The following AEBP2 variants were observed in gnomAD, a reference collection of about 807,000 sequenced individuals.
The protein encoded by AEBP2 is AE binding protein 2, also known as zinc finger protein AEBP2.
A neutral mutation model predicts 50.8 loss-of-function variants in AEBP2; 10 were observed. The observed-to-expected ratio is 0.20, with a 90% CI of 0.12 to 0.33. The LOEUF is 0.33. Ranked by LOEUF, AEBP2 falls within the 10% of genes least tolerant of loss-of-function variation. The probability of loss-of-function intolerance (pLI) is 1.00; values close to 1 mark genes in which losing one functional copy is unlikely to be tolerated. For synonymous variants in AEBP2, 296 were observed against 261.3 expected (o/e 1.13, Z -1.28); for missense variants, 570 against 688.0 (o/e 0.83, Z 1.92).
intron 3 of AEBP2, among the ~76,000 whole-genome samples, chr12:19,479,821 G>C (rs1205194249): frequency 7.6e-6 from 1 of 131,488 alleles, no homozygotes. Flanking sequence ...GTTTCTATTT[G>C]CATGGAGTAT....
chr12:19,487,856 G>A (rs1257711308), intron 3 of AEBP2, among the ~76,000 whole-genome samples: 1 of 152,130 alleles, frequency 6.6e-6, no homozygotes, highest in Non-Finnish European at 1.5e-5. Context: ...TTTCTGATTA[G>A]TGAGCTTTGA....
chr12:19,465,377 G>A (rs956218403), intron 2 of AEBP2, among the ~76,000 whole-genome samples: 1 of 151,960 alleles, frequency 6.6e-6, no homozygotes, highest in Non-Finnish European at 1.5e-5. Context: ...CTGGGTGACA[G>A]AATGAGACTC....
intron 1 of AEBP2, among the ~76,000 whole-genome samples, chr12:19,415,131 G>A (rs11044546): frequency 0.024 from 3,614 of 149,202 alleles, 51 homozygotes; most frequent in East Asian, 0.045. Context: ...ACAACGTGGC[G>A]AAACCCCATC....
At chr12:19,444,210 C>T (rs1948017808) in intron 1 of AEBP2, among the ~76,000 whole-genome samples, 1 of 152,056 alleles carries the variant, frequency 6.6e-6, no homozygotes, top group Non-Finnish European at 1.5e-5. Flanking sequence ...AACACAGTAT[C>T]ATGTAAAAAT....
At chr12:19,448,049 C>G (rs1014691972) in intron 1 of AEBP2, among the ~76,000 whole-genome samples, 1 of 152,130 alleles carries the variant, frequency 6.6e-6, no homozygotes, top group Admixed American at 6.5e-5. Context: ...GTTTAAAAAT[C>G]ACCATATTTC....
At position 19,519,745 on chromosome 12, in the gene AEBP2, C is replaced by T. The variant is rs1396559157; in HGVS notation, c.*1628C>T. 1 of 152,522 alleles carries T rather than the reference C, an allele frequency of 6.6e-6. No homozygotes were observed. The highest frequency in any genetic ancestry group is 1.5e-5 in the Non-Finnish European group (1 of 67,948). The allele number at this position is 152,522 out of a possible 1,614,324, so 9.4% of individuals were successfully genotyped here. A position where few individuals can be genotyped will look rare whatever the true frequency, so the allele number is the denominator to read the frequency against. The stretch of plus-strand genomic sequence containing the variant: ...GTTCCACGATACATAAATCATTTCT[C>T]ATTTGCTTTAAAAAATTTAAAAGTG... On this transcript the variant is annotated 3_prime_UTR_variant, in exon 8 of 8. Transcript: ENST00000266508.
At chr12:19,495,137 T>C (rs1415257547) in intron 4 of AEBP2, among the ~76,000 whole-genome samples, 2 of 152,032 alleles carry the variant, frequency 1.3e-5, no homozygotes, top group Non-Finnish European at 2.9e-5. Flanking sequence ...ACTCCTGACC[T>C]CTTGATCCAC....
intron 1 of AEBP2, among the ~76,000 whole-genome samples, chr12:19,447,756 A>G (rs1355154719): frequency 6.6e-6 from 1 of 152,218 alleles, no homozygotes; most frequent in African/African-American, 2.4e-5. Flanking sequence ...ATAAGCGATC[A>G]GTATTGTAGT....
chr12:19,413,600 A>C (rs1169730656), intron 1 of AEBP2: 2 of 590,818 alleles, frequency 3.4e-6, no homozygotes, highest in Non-Finnish European at 3.1e-6. Flanking sequence ...AAAAGAAATA[A>C]AAGAATGGCT....
At chr12:19,414,016 C>T (rs1024654360) in intron 1 of AEBP2, among the ~76,000 whole-genome samples, 20 of 152,070 alleles carry the variant, frequency 1.3e-4, no homozygotes, top group Middle Eastern at 3.4e-3. Context: ...GCCTTAACCT[C>T]CCGAGTAGCT....
intron 1 of AEBP2, among the ~76,000 whole-genome samples, chr12:19,441,882 C>T (rs1002214025): frequency 6.6e-6 from 1 of 152,134 alleles, no homozygotes; most frequent in Admixed American, 6.6e-5. Context: ...TTCATTTACT[C>T]AGTATACACG....
At chr12:19,440,761 GT>G in intron 1 of AEBP2, 1 of 1,533,542 alleles carries the variant, frequency 6.5e-7, no homozygotes, top group Middle Eastern at 2.2e-4. Context: ...GGGAACACTT[GT>G]CAGAACTACA....
chr12:19,467,700 T>G (rs1948503012), intron 2 of AEBP2, among the ~76,000 whole-genome samples: 1 of 152,148 alleles, frequency 6.6e-6, no homozygotes, highest in Non-Finnish European at 1.5e-5. Flanking sequence ...TCTTGGAAAG[T>G]GGGGAACTTG....
intron 1 of AEBP2, among the ~76,000 whole-genome samples, chr12:19,453,349 C>T (rs1050194521): frequency 6.6e-6 from 1 of 151,886 alleles, no homozygotes; most frequent in Admixed American, 6.6e-5. Flanking sequence ...AACTCTTGGC[C>T]TCAAGCAGTC....
chr12:19,477,263 T>C (rs7297204), intron 3 of AEBP2, among the ~76,000 whole-genome samples: 127,983 of 151,984 alleles, frequency 0.84, 54,091 homozygotes, highest in African/African-American at 0.9. Context: ...GCGACAGTTT[T>C]ATTTCCTCTT....
chr12:19,474,903 C>T (rs1948624673), intron 3 of AEBP2, among the ~76,000 whole-genome samples: 1 of 152,124 alleles, frequency 6.6e-6, no homozygotes, highest in African/African-American at 2.4e-5. Flanking sequence ...AGCGATTCTC[C>T]TGCCTCAGCC....
At chr12:19,473,933 T>A (rs866696437) in intron 3 of AEBP2, among the ~76,000 whole-genome samples, 1 of 152,310 alleles carries the variant, frequency 6.6e-6, no homozygotes. Flanking sequence ...GTGGGTAGAC[T>A]AATGACTGGA....
chr12:19,447,352 A>G (rs1948090127), intron 1 of AEBP2, among the ~76,000 whole-genome samples: 2 of 152,170 alleles, frequency 1.3e-5, no homozygotes, highest in Admixed American at 1.3e-4. Flanking sequence ...TCACCCCAAT[A>G]TGGGTAATTG....
chr12:19,430,892 G>A (rs2095751067), intron 1 of AEBP2, among the ~76,000 whole-genome samples: 1 of 151,746 alleles, frequency 6.6e-6, no homozygotes, highest in South Asian at 2.1e-4. Context: ...GTGTGATGGC[G>A]CATTCCTGTA....
Sources: allele counts gnomAD v4.1 joint callset (sites outside exome capture counted in the v4.1 genomes callset), GRCh38; gene constraint gnomAD v4.1.1; transcripts MANE v1.5; gene names NCBI Gene and HGNC (gene_info 2026-07-23, HGNC 2026-07-21).